TSPAN5: variants seen among roughly 807,000 people sequenced by gnomAD.
The protein encoded by TSPAN5 is tetraspanin 5, also known as tetraspanin-5.
In TSPAN5, 10 loss-of-function variants were observed where a neutral mutation model predicts 37.1. That is an observed-to-expected ratio of 0.27 (90% CI 0.17 to 0.46). The LOEUF (loss-of-function observed/expected upper bound fraction) is 0.46, where lower values mean the gene tolerates loss of function less well. Ranked by LOEUF, TSPAN5 falls within the 20% of genes least tolerant of loss-of-function variation. TSPAN5 has a pLI of 1.00. For missense variants in TSPAN5, 195 were observed against 326.6 expected (o/e 0.60, Z 3.11); for synonymous variants, 110 against 118.9 (o/e 0.93, Z 0.48).
Position 98,471,088 on chromosome 4 carries a change from T to A in TSPAN5, c.*1434A>T, listed in dbSNP as rs1469031465. On this transcript the variant is annotated 3_prime_UTR_variant, in exon 8 of 8. Coordinates refer to ENST00000305798, the MANE Select transcript of TSPAN5 (RefSeq NM_005723.4). ...GCAGCACCAGGAAGTGGTTTCCCAC[T>A]TTGTGTTACAGAGTACTTGCCCCAG... 5 of 152,224 alleles carry A rather than the reference T, an allele frequency of 3.3e-5. No individual in the cohort carries two copies. The highest frequency in any genetic ancestry group is 1.2e-4 in the African/African-American group (5 of 41,458). The allele number at this position is 152,224 out of a possible 1,614,324, so 9.4% of individuals were successfully genotyped here.
intron 1 of TSPAN5, among the ~76,000 whole-genome samples, chr4:98,636,815 A>G (rs1424073926): frequency 6.6e-6 from 1 of 152,208 alleles, no homozygotes; most frequent in Non-Finnish European, 1.5e-5. Context: ...ATGAATGATC[A>G]AGCTTATTCT....
intron 1 of TSPAN5, among the ~76,000 whole-genome samples, chr4:98,518,237 G>A (rs1473526762): frequency 2.0e-5 from 3 of 151,876 alleles, no homozygotes; most frequent in African/African-American, 7.3e-5. Context: ...AAAGGTTAAT[G>A]CAAATAAAAA....
chr4:98,488,044 TA>T (rs762697883), intron 2 of TSPAN5, among the ~76,000 whole-genome samples: 20 of 151,622 alleles, frequency 1.3e-4, no homozygotes, highest in African/African-American at 4.6e-4. Flanking sequence ...GCCTTAATAA[TA>T]AAAAAAAATT....
chr4:98,522,744 T>A (rs1194693829), intron 1 of TSPAN5, among the ~76,000 whole-genome samples: 2 of 152,184 alleles, frequency 1.3e-5, no homozygotes, highest in African/African-American at 4.8e-5. Flanking sequence ...GCATCTTTGA[T>A]CCATCTTACT....
At chr4:98,647,809 T>G (rs1372866583) in intron 1 of TSPAN5, among the ~76,000 whole-genome samples, 2 of 151,950 alleles carry the variant, frequency 1.3e-5, no homozygotes, top group Non-Finnish European at 2.9e-5. Context: ...AACCATTGGG[T>G]TTGCATACCA....
chr4:98,577,389 C>CT (rs952797741), intron 1 of TSPAN5, among the ~76,000 whole-genome samples: 2 of 152,144 alleles, frequency 1.3e-5, no homozygotes, highest in African/African-American at 4.8e-5. Flanking sequence ...GTTTCCCCCC[C>CT]TGAAACTCCA....
chr4:98,517,994 C>T (rs771484275), intron 1 of TSPAN5, among the ~76,000 whole-genome samples: 3 of 152,016 alleles, frequency 2.0e-5, no homozygotes, highest in East Asian at 3.9e-4. Context: ...GAATAAACTG[C>T]GGTTTGCATT....
intron 1 of TSPAN5, among the ~76,000 whole-genome samples, chr4:98,549,734 T>TG (rs1220194459): frequency 1.3e-5 from 2 of 152,162 alleles, no homozygotes; most frequent in African/African-American, 4.8e-5. Flanking sequence ...TGGGGTTCTT[T>TG]GGGGTTTTTT....
intron 1 of TSPAN5, among the ~76,000 whole-genome samples, chr4:98,632,265 G>A (rs962757120): frequency 3.3e-5 from 5 of 151,944 alleles, no homozygotes; most frequent in African/African-American, 4.8e-5. Context: ...TTAACAACAG[G>A]CACATCTGTA....
intron 1 of TSPAN5, among the ~76,000 whole-genome samples, chr4:98,600,260 G>A (rs985180823): frequency 2.6e-5 from 4 of 152,176 alleles, no homozygotes; most frequent in African/African-American, 9.7e-5. Flanking sequence ...ACTGATGACG[G>A]TGGTGGCGCT....
chr4:98,537,196 C>T (rs932891283), intron 1 of TSPAN5, among the ~76,000 whole-genome samples: 6 of 152,154 alleles, frequency 3.9e-5, no homozygotes, highest in Non-Finnish European at 5.9e-5. Flanking sequence ...GTATCTATGC[C>T]GGAGTTCCTC....
intron 2 of TSPAN5, among the ~76,000 whole-genome samples, chr4:98,504,713 A>G (rs762810330): frequency 5.3e-5 from 8 of 152,174 alleles, no homozygotes; most frequent in Non-Finnish European, 7.4e-5. Flanking sequence ...ATTGCCAAAC[A>G]AGGAAATGGC....
chr4:98,476,364 G>A (rs1352039084), intron 6 of TSPAN5, 49 bp downstream of exon 6: 1 of 1,613,536 alleles, frequency 6.2e-7, no homozygotes, highest in African/African-American at 1.3e-5. Flanking sequence ...ACAGGCCAAA[G>A]CTCCTCCAAC....
At position 98,472,551 on chromosome 4, in the gene TSPAN5, C is replaced by G. The variant is rs754280512; in HGVS notation, c.778G>C (p.Asp260His). The change falls in exon 8 of 8, where the codon GAT becomes CAT. Residue 260 changes from aspartate (D) to histidine (H), a missense_variant. Coordinates refer to ENST00000305798, the MANE Select transcript of TSPAN5 (RefSeq NM_005723.4). ...CAGCTCGCCCTGACAGCTTCGATAT[C>G]GCTAACCAAATTCTGGGCCAGGCAT... is the stretch of plus-strand genomic sequence containing the variant. The part of the protein sequence containing the change: ...GICLAQNLVS[D>H]IEAVRASW 14 of 1,613,908 alleles carry G rather than the reference C, an allele frequency of 8.7e-6. No homozygotes were observed. The South Asian group carries it at 1.5e-4, about 18-fold the overall frequency.
intron 1 of TSPAN5, among the ~76,000 whole-genome samples, chr4:98,625,403 A>G (rs1421778110): frequency 6.6e-6 from 1 of 152,248 alleles, no homozygotes; most frequent in East Asian, 1.9e-4. Flanking sequence ...CTTTGGTTCC[A>G]AAGCCCATGA....
intron 1 of TSPAN5, among the ~76,000 whole-genome samples, chr4:98,523,837 G>A (rs1337939938): frequency 2.0e-5 from 3 of 152,192 alleles, no homozygotes; most frequent in Non-Finnish European, 2.9e-5. Flanking sequence ...AGCCAAATGA[G>A]CCTGACCTCT....
At chr4:98,563,746 G>A (rs531775288) in intron 1 of TSPAN5, among the ~76,000 whole-genome samples, 31 of 152,324 alleles carry the variant, frequency 2.0e-4, no homozygotes, top group African/African-American at 6.7e-4. Flanking sequence ...ATAGCAAGAC[G>A]TGCTGTGTCA....
chr4:98,648,130 G>A lies in TSPAN5; in HGVS notation c.81+10016C>T, dbSNP rs114767820. On this transcript the variant is annotated intron_variant, in intron 1 of 7. Coordinates refer to ENST00000305798, the MANE Select transcript of TSPAN5 (RefSeq NM_005723.4). ...CTGGGTCTTCTGTATTTGCTTTATTGTCAACTGTCTTTGTGACAGTGCTGC... is the reference window on the plus strand; with the variant it reads ...CTGGGTCTTCTGTATTTGCTTTATTATCAACTGTCTTTGTGACAGTGCTGC... Among the ~76,000 whole-genome samples the A allele has an allele frequency of 2.5e-3, 376 of 152,266 alleles. 1 individual carries two copies. Among genetic ancestry groups the A allele is most frequent in the Non-Finnish European group, 2.4e-3 (162 of 68,022 alleles).
intron 1 of TSPAN5, among the ~76,000 whole-genome samples, chr4:98,590,722 A>AAAG (rs1553915981): frequency 0.016 from 2,375 of 150,374 alleles, 60 homozygotes; most frequent in African/African-American, 0.056. Context: ...AAAAAAAAAA[A>AAAG]AGAGAGAGAG....
Sources: gnomAD v4.1 joint callset for allele counts (sites outside exome capture counted in the v4.1 genomes callset) on GRCh38, gnomAD v4.1.1 for gene constraint, MANE v1.5 for transcripts, NCBI Gene and HGNC (gene_info 2026-07-23, HGNC 2026-07-21) for gene names.